XPO6: variants seen among roughly 807,000 people sequenced by gnomAD.
XPO6 encodes exportin 6, also known as exportin-6.
A neutral mutation model predicts 130.0 loss-of-function variants in XPO6; 3 were observed. The observed-to-expected ratio is 0.02, with a 90% CI of 0.01 to 0.06. The LOEUF (loss-of-function observed/expected upper bound fraction) is 0.06. Among genes scored for constraint, XPO6 ranks in the 10% least tolerant of loss-of-function variants. The pLI is 1.00. For missense variants in XPO6, 970 were observed against 1,393.0 expected (o/e 0.70, Z 4.83); for synonymous variants, 524 against 548.9 (o/e 0.95, Z 0.63).
At chr16:28,186,672 A>ATTTTTTTTTTTTT (rs35690546) in intron 1 of XPO6, among the ~76,000 whole-genome samples, 1 of 140,858 alleles carries the variant, frequency 7.1e-6, no homozygotes, top group African/African-American at 2.7e-5. Flanking sequence ...ATTCAGCCTA[A>ATTTTTTTTTTTTT]TTTTTTTTTT....
chr16:28,179,405 C>T (rs929262202), intron 2 of XPO6, among the ~76,000 whole-genome samples: 4 of 152,124 alleles, frequency 2.6e-5, no homozygotes, highest in African/African-American at 9.7e-5. Flanking sequence ...ATTACAAATC[C>T]ATAAAAGGAA....
At chr16:28,183,757 C>T (rs1205639173) in intron 1 of XPO6, among the ~76,000 whole-genome samples, 2 of 152,044 alleles carry the variant, frequency 1.3e-5, no homozygotes, top group Admixed American at 6.6e-5. Flanking sequence ...AGTGGTCAGG[C>T]CTACTTTGAA....
Position 28,101,730 on chromosome 16 carries a change from G to C in XPO6, c.3046-42C>G. 1 of 1,590,342 alleles carries C rather than the reference G, an allele frequency of 6.3e-7. No homozygotes were observed. Among genetic ancestry groups the C allele is most frequent in the Non-Finnish European group, 8.6e-7 (1 of 1,165,042 alleles). Reference sequence around the variant, plus strand: ...CAGGTGAGCAGCAGCCAGCCCCCAGGGGCCTGTCCCGGGTCCCATCCACTT... The same window carrying C: ...CAGGTGAGCAGCAGCCAGCCCCCAGCGGCCTGTCCCGGGTCCCATCCACTT... On this transcript the variant is annotated intron_variant, in intron 22 of 23. Coordinates refer to ENST00000304658, the MANE Select transcript of XPO6 (RefSeq NM_015171.4). This position sits in a 1 kb window ranked among gnomAD's most constrained non-coding sequence, Gnocchi z 5.4.
At chr16:28,179,532 G>A (rs74014245) in intron 2 of XPO6, among the ~76,000 whole-genome samples, 8,949 of 152,224 alleles carry the variant, frequency 0.059, 660 homozygotes, top group East Asian at 0.17. Flanking sequence ...TCTGACCCCA[G>A]GTGAGTCACT....
rs1253221087 is a variant in XPO6, at chr16:28,098,264, C to T, written c.*274G>A. On this transcript the variant is annotated 3_prime_UTR_variant, in exon 24 of 24. Transcript: ENST00000304658. ...GTGCGCCTGGTCTGCATGGGCCACC[C>T]CGCGGGATTTCCTGGTGCCTCCTAG... 3 of 360,898 alleles carry T rather than the reference C, an allele frequency of 8.3e-6. No homozygotes were observed. The highest frequency in any genetic ancestry group is 4.8e-5 in the South Asian group (1 of 20,900). The allele number at this position is 360,898 out of a possible 1,614,324, so 22.4% of individuals were successfully genotyped here. A position where few individuals can be genotyped will look rare whatever the true frequency, so the allele number is the denominator to read the frequency against.
chr16:28,183,053 T>C (rs1596947503), intron 1 of XPO6, among the ~76,000 whole-genome samples: 2 of 152,214 alleles, frequency 1.3e-5, no homozygotes, highest in Admixed American at 6.5e-5. Context: ...ACTTCTTGTG[T>C]TGAATCATTT....
chr16:28,130,813 TAG>T (rs1567609760), intron 12 of XPO6, among the ~76,000 whole-genome samples: 2 of 152,166 alleles, frequency 1.3e-5, no homozygotes, highest in Non-Finnish European at 2.9e-5. Context: ...GTCCCAGAAA[TAG>T]AGTTTCAGAT....
At chr16:28,130,676 G>C (rs895981715) in intron 12 of XPO6, among the ~76,000 whole-genome samples, 1 of 152,124 alleles carries the variant, frequency 6.6e-6, no homozygotes, top group Non-Finnish European at 1.5e-5. Context: ...TAAATGATCC[G>C]GACGAGCCGA....
rs1194052913 is a variant in XPO6 at position 28,146,191 on chromosome 16, C to T, written c.1237G>A (p.Gly413Ser). ...CAGATATCCAAACAAGAGAAGTAACCTTCATGAGTAGGCTATGGTACAAAA... is the reference window on the plus strand; with the variant it reads ...CAGATATCCAAACAAGAGAAGTAACTTTCATGAGTAGGCTATGGTACAAAA... ...KYTFHQPTHE[G>S]YFSCLDIWTL... The change falls in exon 9 of 24, where the codon GGT (glycine) becomes AGT (serine). Residue 413 changes from glycine to serine, a missense_variant. This residue lies in a region of XPO6 where 936 missense variants were observed against 1,306.8 expected (regional missense o/e 0.72). Transcript: ENST00000304658. 4 of 1,613,312 alleles carry T rather than the reference C, an allele frequency of 2.5e-6. No homozygotes were observed. The highest frequency in any genetic ancestry group is 3.4e-6 in the Non-Finnish European group (4 of 1,179,388).
At chr16:28,194,514 A>G (rs2043829500) in intron 1 of XPO6, among the ~76,000 whole-genome samples, 1 of 152,096 alleles carries the variant, frequency 6.6e-6, no homozygotes, top group Admixed American at 6.6e-5. Flanking sequence ...AGACTAAATG[A>G]GAAACTGCTT....
chr16:28,178,860 A>G (rs1596940760), intron 2 of XPO6, among the ~76,000 whole-genome samples: 1 of 152,110 alleles, frequency 6.6e-6, no homozygotes, highest in Non-Finnish European at 1.5e-5. Context: ...CGAGGTCAAG[A>G]GATCGAGACT....
chr16:28,111,955 G>T lies in XPO6; in HGVS notation c.2203C>A (p.Pro735Thr). Residue 735 changes from proline (P) to threonine (T), a missense_variant, in exon 17 of 24, where the codon CCA becomes ACA. Pro to Thr is a conservative substitution (Grantham distance 38, BLOSUM62 -1). Coordinates refer to ENST00000304658, the MANE Select transcript of XPO6 (RefSeq NM_015171.4). ...ALSNILLLPW[P>T]NLPENEQQWP... ...TGCTGCTCATTCTCTGGAAGGTTTG[G>T]CCACGGAAGCAGCAAGATGTTAGAG... The T allele has an allele frequency of 6.2e-7, 1 of 1,614,010 alleles. No individual in the cohort carries two copies. The highest frequency in any genetic ancestry group is 1.7e-5 in the Admixed American group (1 of 60,010).
At chr16:28,196,590 G>A (rs1487417990) in intron 1 of XPO6, among the ~76,000 whole-genome samples, 3 of 152,194 alleles carry the variant, frequency 2.0e-5, no homozygotes, top group African/African-American at 7.2e-5. Context: ...GATGTGGTTT[G>A]TCTCCACCTA....
At chr16:28,126,432 G>A (rs930389696) in intron 12 of XPO6, among the ~76,000 whole-genome samples, 4 of 152,222 alleles carry the variant, frequency 2.6e-5, no homozygotes, top group Non-Finnish European at 5.9e-5. Flanking sequence ...CTTGGATTCC[G>A]AAGACACAGA....
At chr16:28,175,586 C>A (rs1028282181) in intron 4 of XPO6, among the ~76,000 whole-genome samples, 1 of 152,274 alleles carries the variant, frequency 6.6e-6, no homozygotes, top group Non-Finnish European at 1.5e-5. Context: ...CCCCACTAAA[C>A]GCCGAAACTA....
chr16:28,111,990 C>T lies in XPO6; in HGVS notation c.2168G>A (p.Cys723Tyr), dbSNP rs1178016186. The T allele has an allele frequency of 1.9e-6, 3 of 1,612,250 alleles. No individual in the cohort carries two copies. Among genetic ancestry groups the T allele is most frequent in the Non-Finnish European group, 2.5e-6 (3 of 1,179,160 alleles). Residue 723 changes from cysteine to tyrosine, a missense_variant, in exon 17 of 24, where the codon TGC (cysteine) becomes TAC (tyrosine). Cys to Tyr is a radical substitution (Grantham distance 194, BLOSUM62 -2). Transcript: ENST00000304658. ...RLVDKAQVLV[C>Y]RALSNILLLP... ...CAGCAAGATGTTAGAGAGGGCTCGG[C>T]ACACCAACACCTGGGCCTACAAGAG...
In XPO6 at chr16:28,116,915, T is replaced by C. The variant is rs1596806290; in HGVS notation, c.2004+403A>G. On this transcript the variant is annotated intron_variant, in intron 15 of 23. Coordinates refer to ENST00000304658, the MANE Select transcript of XPO6 (RefSeq NM_015171.4). Reference sequence around the variant, plus strand: ...AGATTTGCTTGATGCAGGGTTGCCATAAGCCTTCAACTTGTAAAAAACACA... The same window carrying C: ...AGATTTGCTTGATGCAGGGTTGCCACAAGCCTTCAACTTGTAAAAAACACA... 4 of 171,934 alleles carry C rather than the reference T, an allele frequency of 2.3e-5. No homozygotes were observed. The Middle Eastern group carries it at 0.011, about 483-fold the overall frequency. The allele number at this position is 171,934 out of a possible 1,614,324, so 10.7% of individuals were successfully genotyped here. A position where few individuals can be genotyped will look rare whatever the true frequency, so the allele number is the denominator to read the frequency against.
chr16:28,137,344 A>G (rs992026381), intron 9 of XPO6, among the ~76,000 whole-genome samples: 2 of 152,242 alleles, frequency 1.3e-5, no homozygotes, highest in African/African-American at 4.8e-5. Flanking sequence ...TGTACTTATC[A>G]ACTGTGTTAT....
intron 14 of XPO6, among the ~76,000 whole-genome samples, chr16:28,118,884 C>T (rs1194587627): frequency 6.6e-6 from 1 of 152,158 alleles, no homozygotes; most frequent in Non-Finnish European, 1.5e-5. Context: ...GAGCTTTTTT[C>T]TCCAAGGTGC....
Sources: gnomAD v4.1 joint callset for allele counts (sites outside exome capture counted in the v4.1 genomes callset) on GRCh38, gnomAD v4.1.1 for gene constraint, gnomAD v4.1.1 regional missense constraint, Gnocchi (gnomAD v3.1) non-coding constraint, MANE v1.5 for transcripts, NCBI Gene and HGNC (gene_info 2026-07-23, HGNC 2026-07-21) for gene names.